ZNF180: variants seen among roughly 807,000 people sequenced by gnomAD.
ZNF180 encodes the protein zinc finger protein 180.
Under a neutral mutation model 11.8 loss-of-function variants are expected in ZNF180, and 11 were observed. The ratio of observed to expected loss-of-function variants is 0.93; its 90% CI spans 0.59 to 1.55. ZNF180 has a LOEUF of 1.55. Ranked by LOEUF, ZNF180 falls within the 40% of genes most tolerant of loss-of-function variation. The probability of loss-of-function intolerance (pLI) is 0.00; values close to 1 mark genes in which losing one functional copy is unlikely to be tolerated. For synonymous variants in ZNF180, 287 were observed against 257.7 expected, an observed-to-expected ratio of 1.11 and a Z score of -1.09; for missense variants, 773 against 781.7, an observed-to-expected ratio of 0.99 and a Z score of 0.13.
rs1970549840 is a variant in ZNF180 at position 44,495,282 on chromosome 19, T to G, written c.51+2002A>C. Among the ~76,000 whole-genome samples, 1 of 151,876 alleles carries G rather than the reference T, an allele frequency of 6.6e-6. No individual in the cohort carries two copies. The highest frequency in any genetic ancestry group is 2.4e-5 in the African/African-American group (1 of 41,336). The stretch of plus-strand genomic sequence containing the variant: ...CTCCCTGGGCTCTGCCACCCCACAC[T>G]CGGCCACCCTCTGCCCAGGGGAGCT... On this transcript the variant is annotated intron_variant, in intron 2 of 4. Coordinates refer to ENST00000592529, the MANE Select transcript of ZNF180 (RefSeq NM_001278509.3). This position sits in a 1 kb window ranked among gnomAD's most constrained non-coding sequence, Gnocchi z 4.5.
intron 4 of ZNF180, 69 bp from the exon 5 acceptor site, chr19:44,478,215 C>T (rs1319965752): frequency 7.0e-6 from 10 of 1,419,212 alleles, no homozygotes; most frequent in Non-Finnish European, 9.3e-6. Flanking sequence ...ATAAAGCTAA[C>T]AAGAAAGTAT....
chr19:44,489,015 G>A (rs1362536456), intron 2 of ZNF180, among the ~76,000 whole-genome samples: 4 of 151,120 alleles, frequency 2.6e-5, no homozygotes, highest in Admixed American at 2.0e-4. Context: ...TGGGAAGTGA[G>A]TAGCGTCTCC....
At chr19:44,481,259 G>C (rs11880335) in intron 3 of ZNF180, among the ~76,000 whole-genome samples, 2,930 of 152,244 alleles carry the variant, frequency 0.019, 99 homozygotes, top group African/African-American at 0.066. Context: ...ATAGGATACA[G>C]GGTCCTGAAT....
chr19:44,499,353 G>C (rs1226670097), intron 1 of ZNF180, among the ~76,000 whole-genome samples: 1 of 152,180 alleles, frequency 6.6e-6, no homozygotes, highest in African/African-American at 2.4e-5. Flanking sequence ...CCTGCAAATA[G>C]CGTACCCAAG....
intron 2 of ZNF180, among the ~76,000 whole-genome samples, chr19:44,488,454 A>T (rs945493238): frequency 6.6e-6 from 1 of 151,998 alleles, no homozygotes; most frequent in Non-Finnish European, 1.5e-5. Flanking sequence ...TTTGGTGGAG[A>T]CGGGGTTTCG....
Position 44,497,389 on chromosome 19 carries a change from C to T in ZNF180, c.-43-12G>A. On this transcript the variant is annotated splice_polypyrimidine_tract_variant and intron_variant, in intron 1 of 4. Transcript: ENST00000592529. ...GGTCCTGAGCTGCACTGAGAGAAGC[C>T]CCAAGTACAGCATGAAGATGTAGGT... The T allele has an allele frequency of 6.3e-7, 1 of 1,586,070 alleles. No homozygotes were observed. The highest frequency in any genetic ancestry group is 8.5e-7 in the Non-Finnish European group (1 of 1,170,810).
chr19:44,486,308 G>A (rs1298807339), intron 2 of ZNF180, among the ~76,000 whole-genome samples: 1 of 152,204 alleles, frequency 6.6e-6, no homozygotes, highest in Non-Finnish European at 1.5e-5. Flanking sequence ...TGAAGGGGTA[G>A]AACTGAGGAG....
rs1440583272 is a variant in ZNF180, at chr19:44,477,263, C to G, written c.1137G>C (p.Glu379Asp). The G allele has an allele frequency of 1.9e-6, 3 of 1,614,110 alleles. No homozygotes were observed. The highest frequency in any genetic ancestry group is 2.5e-6 in the Non-Finnish European group (3 of 1,180,008). Residue 379 changes from glutamate to aspartate, a missense_variant, in exon 5 of 5, where the codon GAG becomes GAC. Physicochemically the swap from Glu to Asp is conservative, Grantham distance 45. Transcript: ENST00000592529. Reference protein sequence around the residue: ...LVSHQRTHTGEKPYRCNQCGK... With the variant: ...LVSHQRTHTGDKPYRCNQCGK... The stretch of plus-strand genomic sequence containing the variant: ...CACATTGATTACACCTGTAAGGTTT[C>G]TCTCCAGTATGAGTTCTCTGATGGG...
intron 4 of ZNF180, 86 bp from the exon 5 acceptor site, chr19:44,478,232 T>C: frequency 7.4e-7 from 1 of 1,354,660 alleles, no homozygotes; most frequent in Non-Finnish European, 9.8e-7. Flanking sequence ...GTATGAAAAA[T>C]ATATATGAAT....
intron 2 of ZNF180, among the ~76,000 whole-genome samples, chr19:44,486,226 T>A (rs1970224990): frequency 6.6e-6 from 1 of 152,220 alleles, no homozygotes; most frequent in Non-Finnish European, 1.5e-5. Context: ...ATGAATAGAT[T>A]TCTATAAAAT....
At position 44,478,005 on chromosome 19, in the gene ZNF180, T is replaced by C; in HGVS notation, c.395A>G (p.Lys132Arg). ...TTCCTGTTGCTTCTCCAACTGGTCT[T>C]TACAATCATCCACTTCTTCACATGA... ...LSSCEEVDDC[K>R]DQLEKQQEKQ... Residue 132 changes from lysine to arginine, a missense_variant, in exon 5 of 5, where the codon AAA (lysine) becomes AGA (arginine). By Grantham distance (26) the Lys-to-Arg change is conservative. Transcript: ENST00000592529. 6.2e-7 allele frequency: 1 copy of C among 1,614,100 alleles called. No individual in the cohort carries two copies. Among genetic ancestry groups the C allele is most frequent in the Non-Finnish European group, 8.5e-7 (1 of 1,179,984 alleles).
chr19:44,478,671 G>C (rs1969997524), intron 4 of ZNF180, among the ~76,000 whole-genome samples: 1 of 152,150 alleles, frequency 6.6e-6, no homozygotes, highest in Non-Finnish European at 1.5e-5. Context: ...AACTACCTTA[G>C]GAACCAATAA....
At chr19:44,484,483 A>C (rs754673863) in intron 2 of ZNF180, 48 bp from the exon 3 acceptor site, 1 of 1,404,738 alleles carries the variant, frequency 7.1e-7, no homozygotes, top group South Asian at 1.2e-5. Context: ...CAGGGAGCTA[A>C]GTGGCAGCTC....
In ZNF180 at chr19:44,495,246, G is replaced by A. The variant is rs927787104; in HGVS notation, c.51+2038C>T. 1.3e-5 allele frequency among the ~76,000 whole-genome samples: 2 copies of A among 152,080 alleles called. No individual in the cohort carries two copies. Among genetic ancestry groups the A allele is most frequent in the African/African-American group, 4.8e-5 (2 of 41,400 alleles). On this transcript the variant is annotated intron_variant, in intron 2 of 4. Coordinates refer to ENST00000592529, the MANE Select transcript of ZNF180 (RefSeq NM_001278509.3). The surrounding 1 kb of genome is among the most constrained non-coding windows in gnomAD (Gnocchi z 4.5). ...ACAATGACGCCCTCTCCCTATGGATGCTTTCCCAGACTCCCTGGGCTCTGC... is the reference window on the plus strand; with the variant it reads ...ACAATGACGCCCTCTCCCTATGGATACTTTCCCAGACTCCCTGGGCTCTGC...
At chr19:44,493,467 T>A (rs12462883) in intron 2 of ZNF180, among the ~76,000 whole-genome samples, 16 of 152,352 alleles carry the variant, frequency 1.1e-4, no homozygotes, top group Admixed American at 7.8e-4. Flanking sequence ...AGGGTTCTAA[T>A]ATCCTTCAGG....
intron 2 of ZNF180, among the ~76,000 whole-genome samples, chr19:44,487,509 A>G (rs1406033362): frequency 1.3e-5 from 2 of 152,138 alleles, no homozygotes; most frequent in East Asian, 3.8e-4. Flanking sequence ...CAGCGCCATG[A>G]CAGTTTTGTC....
At position 44,476,701 on chromosome 19, in the gene ZNF180, C is replaced by T; in HGVS notation, c.1699G>A (p.Val567Ile). ...KSFSQSYVLVVHQRTHTGEKP... is the reference protein window; with the variant it reads ...KSFSQSYVLVIHQRTHTGEKP... Reference sequence around the variant, plus strand: ...TCTCCAGTATGAGTTCTCTGATGTACAACAAGAACATAACTCTGGCTGAAG... The same window carrying T: ...TCTCCAGTATGAGTTCTCTGATGTATAACAAGAACATAACTCTGGCTGAAG... Residue 567 changes from valine to isoleucine, a missense_variant, in exon 5 of 5, where the codon GTA becomes ATA. By Grantham distance (29) the Val-to-Ile change is conservative. Transcript: ENST00000592529. 1 of 1,614,074 alleles carries T rather than the reference C, an allele frequency of 6.2e-7. No individual in the cohort carries two copies. Among genetic ancestry groups the T allele is most frequent in the Non-Finnish European group, 8.5e-7 (1 of 1,179,932 alleles).
At chr19:44,488,511 C>T (rs1433362258) in intron 2 of ZNF180, among the ~76,000 whole-genome samples, 1 of 152,222 alleles carries the variant, frequency 6.6e-6, no homozygotes, top group Non-Finnish European at 1.5e-5. Flanking sequence ...AGTGATCCGC[C>T]AGCCTCGGCC....
At position 44,474,599 on chromosome 19, in the gene ZNF180, ATC is replaced by A. The variant is rs1227126471; in HGVS notation, c.*1801_*1802del. On this transcript the variant is annotated 3_prime_UTR_variant, in exon 5 of 5. Coordinates refer to ENST00000592529, the MANE Select transcript of ZNF180 (RefSeq NM_001278509.3). ...TATCAGTTAAAATTTTCATTTCAGC[ATC>A]TGTTTTTCTCATATCCCCTTTGTGC... 1.3e-5 allele frequency: 2 copies of A among 152,142 alleles called. No homozygotes were observed. Among genetic ancestry groups the A allele is most frequent in the Admixed American group, 6.5e-5 (1 of 15,276 alleles). The allele number at this position is 152,142 out of a possible 1,614,324, so 9.4% of individuals were successfully genotyped here. A position where few individuals can be genotyped will look rare whatever the true frequency, so the allele number is the denominator to read the frequency against.
Sources: gnomAD v4.1 joint callset for allele counts (sites outside exome capture counted in the v4.1 genomes callset) on GRCh38, gnomAD v4.1.1 for gene constraint, Gnocchi (gnomAD v3.1) non-coding constraint, MANE v1.5 for transcripts, NCBI Gene and HGNC (gene_info 2026-07-23, HGNC 2026-07-21) for gene names.